The following POGK variants were observed in gnomAD, a reference collection of about 807,000 sequenced individuals.
POGK encodes pogo transposable element with KRAB domain.
In POGK, 16 loss-of-function variants were observed where a neutral mutation model predicts 54.4. That is an observed-to-expected ratio of 0.29 (90% confidence interval 0.20 to 0.45). POGK has a LOEUF of 0.45. Ranked by LOEUF, POGK falls within the 20% of genes least tolerant of loss-of-function variation. The pLI, the probability that POGK is intolerant of heterozygous loss-of-function variation, is 1.00. For missense variants in POGK, 515 were observed against 795.6 expected (o/e 0.65, Z 4.24); for synonymous variants, 271 against 302.2 (o/e 0.90, Z 1.07).
In POGK at chr1:166,855,605, G is replaced by C. The variant is rs1160922384; in HGVS notation, c.*3035G>C. The C allele has an allele frequency of 6.6e-6, 1 of 152,232 alleles. No homozygotes were observed. Among genetic ancestry groups the C allele is most frequent in the Non-Finnish European group, 1.5e-5 (1 of 68,086 alleles). 9.4% of individuals were successfully genotyped at this position (152,232 alleles called of 1,614,324 possible). The stretch of plus-strand genomic sequence containing the variant: ...AGAGCAGATAGTAGAGTGTAGACCT[G>C]AAATACATGAGGCAAAGGCAGTCTT... On this transcript the variant is annotated 3_prime_UTR_variant, in exon 6 of 6. Coordinates refer to ENST00000367876, the MANE Select transcript of POGK (RefSeq NM_017542.5).
Position 166,849,458 on chromosome 1 carries a change from C to G in POGK, c.879C>G (p.Ala293=). 6.2e-7 allele frequency: 1 copy of G among 1,614,204 alleles called. No homozygotes were observed. The highest frequency in any genetic ancestry group is 1.3e-5 in the African/African-American group (1 of 75,054). ...TGCAGCTGAAAGCTCTCGAAATCGC[C>G]CAGGAAATGAACATTCCAGAGAAAG... ...EAMQLKALEI[A]QEMNIPEKGF... Residue 293 remains alanine, a synonymous_variant, in exon 5 of 6, where the codon GCC becomes GCG. Coordinates refer to ENST00000367876, the MANE Select transcript of POGK (RefSeq NM_017542.5).
intron 5 of POGK, chr1:166,851,395 A>G (rs932138688): frequency 1.3e-5 from 2 of 152,242 alleles, no homozygotes; most frequent in Admixed American, 6.5e-5. Context: ...GGCTATGACA[A>G]TAATTTCCTG....
chr1:166,840,830 C>A, intron 1 of POGK, 125 bp from the exon 2 acceptor site: 2 of 1,228,072 alleles, frequency 1.6e-6, no homozygotes, highest in Non-Finnish European at 2.3e-6. Context: ...TGTTTCCTTA[C>A]TTCCCTCCAG....
At chr1:166,846,923 G>T (rs1261970993) in intron 3 of POGK, among the ~76,000 whole-genome samples, 185 bp downstream of exon 3, 1 of 152,068 alleles carries the variant, frequency 6.6e-6, no homozygotes, top group Non-Finnish European at 1.5e-5. Context: ...ACCCTACTCG[G>T]CAATCCGTGC....
At chr1:166,845,988 C>G (rs1010019730) in intron 2 of POGK, among the ~76,000 whole-genome samples, 1 of 152,154 alleles carries the variant, frequency 6.6e-6, no homozygotes, top group Non-Finnish European at 1.5e-5. Context: ...TCTTCATGCT[C>G]TTGTGGATTG....
In POGK at chr1:166,856,197, T is replaced by C. The variant is rs1658267105; in HGVS notation, c.*3627T>C. On this transcript the variant is annotated 3_prime_UTR_variant, in exon 6 of 6. Coordinates refer to ENST00000367876, the MANE Select transcript of POGK (RefSeq NM_017542.5). Reference sequence around the variant, plus strand: ...AAAAAAATTTTAAATTAGCCGGGCATGGTGGTGTGAATCTGTAGTCCCAGC... The same window carrying C: ...AAAAAAATTTTAAATTAGCCGGGCACGGTGGTGTGAATCTGTAGTCCCAGC... The C allele has an allele frequency of 1.3e-5, 2 of 151,954 alleles. No homozygotes were observed. The highest frequency in any genetic ancestry group is 4.2e-4 in the South Asian group (2 of 4,818). 9.4% of individuals were successfully genotyped at this position (151,954 alleles called of 1,614,324 possible).
chr1:166,847,157 T>A (rs1657881842), intron 3 of POGK, among the ~76,000 whole-genome samples: 1 of 152,200 alleles, frequency 6.6e-6, no homozygotes, highest in Admixed American at 6.5e-5. Flanking sequence ...ATCACACATC[T>A]TATCAGCAGA....
At chr1:166,846,442 C>A (rs142663279) in intron 2 of POGK, among the ~76,000 whole-genome samples, 170 bp from the exon 3 acceptor site, 146 of 152,320 alleles carry the variant, frequency 9.6e-4, no homozygotes, top group African/African-American at 3.4e-3. Flanking sequence ...CCCTTGTTGG[C>A]TTCCAGCAGC....
chr1:166,855,885 C>T lies in POGK; in HGVS notation c.*3315C>T, dbSNP rs1658256749. ...GCCCAGGTATATTGAGTAGTCCAAA[C>T]CAAAAAACTATATTCGAGTATCAGT... On this transcript the variant is annotated 3_prime_UTR_variant, in exon 6 of 6. Transcript: ENST00000367876. The T allele has an allele frequency of 1.2e-5, 1 of 83,514 alleles. No homozygotes were observed. Among genetic ancestry groups the T allele is most frequent in the African/African-American group, 6.8e-5 (1 of 14,602 alleles). 5.2% of individuals were successfully genotyped at this position (83,514 alleles called of 1,614,324 possible).
At chr1:166,842,992 G>GACCCTAACA (rs1449560409) in intron 2 of POGK, among the ~76,000 whole-genome samples, 2 of 152,178 alleles carry the variant, frequency 1.3e-5, no homozygotes, top group African/African-American at 4.8e-5. Flanking sequence ...TTATGTTAGG[G>GACCCTAACA]TGATCAGTGA....
In POGK at chr1:166,854,622, T is replaced by C. The variant is rs1658214794; in HGVS notation, c.*2052T>C. The C allele has an allele frequency of 6.6e-6, 1 of 152,232 alleles. No homozygotes were observed. The allele number at this position is 152,232 out of a possible 1,614,324, so 9.4% of individuals were successfully genotyped here. On this transcript the variant is annotated 3_prime_UTR_variant, in exon 6 of 6. Transcript: ENST00000367876. ...TCATGAGATGCAGTGTAAGTAATAT[T>C]GGTATCTGTGAAGACACAGGGAAGA... is the stretch of plus-strand genomic sequence containing the variant.
At chr1:166,844,448 T>G (rs1657750257) in intron 2 of POGK, among the ~76,000 whole-genome samples, 1 of 152,234 alleles carries the variant, frequency 6.6e-6, no homozygotes, top group Non-Finnish European at 1.5e-5. Flanking sequence ...CTGGGCTGAC[T>G]GGCTTTCCAG....
intron 2 of POGK, among the ~76,000 whole-genome samples, chr1:166,846,411 C>T (rs1025287975): frequency 6.6e-6 from 1 of 152,160 alleles, no homozygotes; most frequent in Non-Finnish European, 1.5e-5. Flanking sequence ...CTGTGGTGGG[C>T]ACAGAAGGAC....
At position 166,855,188 on chromosome 1, in the gene POGK, G is replaced by C. The variant is rs964166024; in HGVS notation, c.*2618G>C. The C allele has an allele frequency of 1.3e-5, 2 of 152,008 alleles. No homozygotes were observed. Among genetic ancestry groups the C allele is most frequent in the African/African-American group, 4.8e-5 (2 of 41,362 alleles). The allele number at this position is 152,008 out of a possible 1,614,324, so 9.4% of individuals were successfully genotyped here. A position where few individuals can be genotyped will look rare whatever the true frequency, so the allele number is the denominator to read the frequency against. ...TCAGAACAACAAAAGAACATGCTAA[G>C]CGAGTCCTCCCACCTGCCTGGTAAA... On this transcript the variant is annotated 3_prime_UTR_variant, in exon 6 of 6. Transcript: ENST00000367876.
In POGK at chr1:166,850,188, G is replaced by A; in HGVS notation, c.1609G>A (p.Gly537Arg). Residue 537 changes from glycine to arginine, a missense_variant, in exon 5 of 6, where the codon GGG becomes AGG. Coordinates refer to ENST00000367876, the MANE Select transcript of POGK (RefSeq NM_017542.5). ...LAGNLALSPT[G>R]NAKKPPLGLF... ...TGGGAACCTGGCGCTGAGCCCAACC[G>A]GGAATGCTAAGAAGCCACCCCTGGG... 7 of 1,556,230 alleles carry A rather than the reference G, an allele frequency of 4.5e-6. No individual in the cohort carries two copies. Among genetic ancestry groups the A allele is most frequent in the Admixed American group, 1.9e-5 (1 of 51,284 alleles).
intron 2 of POGK, among the ~76,000 whole-genome samples, chr1:166,844,142 C>G (rs1657734381): frequency 6.6e-6 from 1 of 152,216 alleles, no homozygotes; most frequent in African/African-American, 2.4e-5. Context: ...CTCCGTGGCT[C>G]AGTCATTAAT....
rs1194679537 is a variant in POGK, at chr1:166,855,595, G to A, written c.*3025G>A. On this transcript the variant is annotated 3_prime_UTR_variant, in exon 6 of 6. Coordinates refer to ENST00000367876, the MANE Select transcript of POGK (RefSeq NM_017542.5). ...ATTGGCATGGAGAGCAGATAGTAGAGTGTAGACCTGAAATACATGAGGCAA... is the reference window on the plus strand; with the variant it reads ...ATTGGCATGGAGAGCAGATAGTAGAATGTAGACCTGAAATACATGAGGCAA... The A allele has an allele frequency of 3.3e-5, 5 of 152,300 alleles. No homozygotes were observed. Among genetic ancestry groups the A allele is most frequent in the South Asian group, 2.1e-4 (1 of 4,834 alleles). The allele number at this position is 152,300 out of a possible 1,614,324, so 9.4% of individuals were successfully genotyped here.
rs3177231 is a variant in POGK, at chr1:166,854,469, C to T, written c.*1899C>T. On this transcript the variant is annotated 3_prime_UTR_variant, in exon 6 of 6. Coordinates refer to ENST00000367876, the MANE Select transcript of POGK (RefSeq NM_017542.5). ...CAACAATAAACTTTGATAATAAAGA[C>T]AATAGGCTATGGTGATTTTATTTCT... is the stretch of plus-strand genomic sequence containing the variant. 6.9e-6 allele frequency: 1 copy of T among 145,188 alleles called. No individual in the cohort carries two copies. The highest frequency in any genetic ancestry group is 1.5e-5 in the Non-Finnish European group (1 of 65,490). The allele number at this position is 145,188 out of a possible 1,614,324, so 9.0% of individuals were successfully genotyped here.
chr1:166,844,524 G>A (rs1377018990), intron 2 of POGK, among the ~76,000 whole-genome samples: 1 of 152,194 alleles, frequency 6.6e-6, no homozygotes, highest in Non-Finnish European at 1.5e-5. Flanking sequence ...CACACTTAGG[G>A]ATGTTTGTCC....
Sources: allele counts gnomAD v4.1 joint callset (sites outside exome capture counted in the v4.1 genomes callset), GRCh38; gene constraint gnomAD v4.1.1; transcripts MANE v1.5; gene names NCBI Gene and HGNC (gene_info 2026-07-23, HGNC 2026-07-21).